WWC1: variants seen among roughly 807,000 people sequenced by gnomAD.
WWC1 encodes the protein WW and C2 domain containing 1.
A neutral mutation model predicts 138.4 loss-of-function variants in WWC1; 55 were observed. The observed-to-expected ratio is 0.40, with a 90% CI of 0.32 to 0.50. WWC1 has a LOEUF of 0.50. WWC1 is among the 20% of genes least tolerant of loss of function. The pLI is 0.72. For synonymous variants in WWC1, 524 were observed against 564.9 expected (o/e 0.93, Z 1.03); for missense variants, 1,226 against 1,420.4 (o/e 0.86, Z 2.20).
chr5:168,337,675 C>G (rs1165809045), intron 1 of WWC1, among the ~76,000 whole-genome samples: 1 of 152,138 alleles, frequency 6.6e-6, no homozygotes, highest in Non-Finnish European at 1.5e-5. Context: ...GTGCTACAGA[C>G]GGTAAGGGAG....
chr5:168,292,002 C>G lies in WWC1; in HGVS notation c.-151C>G. 1 of 868,516 alleles carries G rather than the reference C, an allele frequency of 1.2e-6. No homozygotes were observed. Among genetic ancestry groups the G allele is most frequent in the East Asian group, 3.6e-5 (1 of 28,066 alleles). The allele number at this position is 868,516 out of a possible 1,614,324, so 53.8% of individuals were successfully genotyped here. A position where few individuals can be genotyped will look rare whatever the true frequency, so the allele number is the denominator to read the frequency against. On this transcript the variant is annotated 5_prime_UTR_variant, in exon 1 of 23. Coordinates refer to ENST00000265293, the MANE Select transcript of WWC1 (RefSeq NM_015238.3). The surrounding 1 kb of genome is among the most constrained non-coding windows in gnomAD (Gnocchi z 4.4). Reference sequence around the variant, plus strand: ...CGCATGGACAGCGGCGCCACCCCGGCCGGCCCCTACTAGGGCCCCCCATCT... The same window carrying G: ...CGCATGGACAGCGGCGCCACCCCGGGCGGCCCCTACTAGGGCCCCCCATCT...
intron 10 of WWC1, among the ~76,000 whole-genome samples, chr5:168,422,373 A>T (rs1174404368): frequency 6.6e-6 from 1 of 152,220 alleles, no homozygotes; most frequent in Non-Finnish European, 1.5e-5. Flanking sequence ...TCACACCTGT[A>T]ATCCCAGCAC....
intron 1 of WWC1, among the ~76,000 whole-genome samples, chr5:168,353,475 G>A (rs574612248): frequency 2.4e-4 from 36 of 152,358 alleles, no homozygotes; most frequent in South Asian, 2.3e-3. Context: ...TCAGCCTGCC[G>A]TCGTCTTGCC....
chr5:168,424,500 A>G (rs1781360773), intron 11 of WWC1, among the ~76,000 whole-genome samples: 1 of 152,250 alleles, frequency 6.6e-6, no homozygotes, highest in Non-Finnish European at 1.5e-5. Flanking sequence ...CAAGCACTAC[A>G]AAGAAAATAA....
chr5:168,423,376 G>A (rs1218312325), intron 10 of WWC1, among the ~76,000 whole-genome samples, 157 bp from the exon 11 acceptor site: 2 of 152,048 alleles, frequency 1.3e-5, no homozygotes, highest in Admixed American at 6.6e-5. Flanking sequence ...GCCTTCTTGG[G>A]GTATCAGTTT....
At chr5:168,347,147 G>A (rs890569453) in intron 1 of WWC1, among the ~76,000 whole-genome samples, 3 of 152,142 alleles carry the variant, frequency 2.0e-5, no homozygotes, top group East Asian at 1.9e-4. Flanking sequence ...GTCCCCAGCC[G>A]ACTGAGTGAC....
chr5:168,354,573 C>T (rs1775249028), intron 1 of WWC1, among the ~76,000 whole-genome samples: 1 of 152,192 alleles, frequency 6.6e-6, no homozygotes, highest in Admixed American at 6.5e-5. Flanking sequence ...GTCCTAGGTA[C>T]AAAAGTCATG....
intron 6 of WWC1, among the ~76,000 whole-genome samples, chr5:168,407,054 A>G (rs989753369): frequency 6.6e-6 from 1 of 152,076 alleles, no homozygotes; most frequent in Non-Finnish European, 1.5e-5. Flanking sequence ...AGCCTCCCAA[A>G]GTGCTGGGAT....
At chr5:168,299,589 C>T (rs1384248749) in intron 1 of WWC1, among the ~76,000 whole-genome samples, 1 of 152,206 alleles carries the variant, frequency 6.6e-6, no homozygotes, top group African/African-American at 2.4e-5. Flanking sequence ...CCTCCCCCTC[C>T]CGGGGAGAGG....
chr5:168,424,118 T>C (rs1041524876), intron 11 of WWC1, 50 bp downstream of exon 11: 5 of 1,510,550 alleles, frequency 3.3e-6, no homozygotes, highest in South Asian at 1.3e-5. Context: ...GGGAAAGAGA[T>C]ACTCTGTGCT....
intron 1 of WWC1, among the ~76,000 whole-genome samples, chr5:168,324,752 A>G (rs1772397114): frequency 6.6e-6 from 1 of 152,240 alleles, no homozygotes; most frequent in Admixed American, 6.5e-5. Flanking sequence ...GTAGAAAAAA[A>G]GAACAAGACT....
intron 2 of WWC1, 95 bp downstream of exon 2, chr5:168,371,628 C>G: frequency 1.3e-6 from 1 of 770,534 alleles, no homozygotes; most frequent in Non-Finnish European, 2.2e-6. Context: ...CACTTGCAGA[C>G]TCTTGGAGCC....
Position 168,397,812 on chromosome 5 carries a change from T to C in WWC1, c.510+12T>C, listed in dbSNP as rs751466878. Reference sequence around the variant, plus strand: ...CTGCAAAATCCCGGGTAGGACCTCTTCACCTATGCTATGTGCTAGTGATTG... The same window carrying C: ...CTGCAAAATCCCGGGTAGGACCTCTCCACCTATGCTATGTGCTAGTGATTG... On this transcript the variant is annotated intron_variant, in intron 4 of 22. Coordinates refer to ENST00000265293, the MANE Select transcript of WWC1 (RefSeq NM_015238.3). 6.2e-7 allele frequency: 1 copy of C among 1,613,964 alleles called. No homozygotes were observed. The highest frequency in any genetic ancestry group is 8.5e-7 in the Non-Finnish European group (1 of 1,179,890).
At chr5:168,344,386 TATGG>T (rs1437145596) in intron 1 of WWC1, among the ~76,000 whole-genome samples, 1 of 152,182 alleles carries the variant, frequency 6.6e-6, no homozygotes, top group Non-Finnish European at 1.5e-5. Context: ...AACAGCGAGT[TATGG>T]GGTCTTGGGC....
intron 3 of WWC1, among the ~76,000 whole-genome samples, chr5:168,392,842 G>A (rs1778606836): frequency 6.6e-6 from 1 of 151,844 alleles, no homozygotes; most frequent in Non-Finnish European, 1.5e-5. Flanking sequence ...GCCTCTAACA[G>A]AGAAAATAGA....
intron 1 of WWC1, among the ~76,000 whole-genome samples, chr5:168,343,340 C>T (rs1353727288): frequency 6.6e-6 from 1 of 152,112 alleles, no homozygotes; most frequent in Non-Finnish European, 1.5e-5. Context: ...ATCTTGTATA[C>T]TTTTCAGGAC....
chr5:168,348,733 C>T (rs993641048), intron 1 of WWC1, among the ~76,000 whole-genome samples: 2 of 152,118 alleles, frequency 1.3e-5, no homozygotes, highest in Non-Finnish European at 2.9e-5. Flanking sequence ...TAGGAAAGGG[C>T]CCTAGCAGAG....
chr5:168,435,657 C>T (rs990293635), intron 15 of WWC1, among the ~76,000 whole-genome samples: 1 of 152,154 alleles, frequency 6.6e-6, no homozygotes, highest in Admixed American at 6.5e-5. Context: ...GCAGTCCTCC[C>T]GCCTCAGCCT....
At chr5:168,369,466 C>G (rs1258695859) in intron 1 of WWC1, among the ~76,000 whole-genome samples, 2 of 152,120 alleles carry the variant, frequency 1.3e-5, no homozygotes, top group Non-Finnish European at 2.9e-5. Flanking sequence ...GCAGTGGTGC[C>G]ATCACAGCTA....
Sources: gnomAD v4.1 joint callset for allele counts (sites outside exome capture counted in the v4.1 genomes callset) on GRCh38, gnomAD v4.1.1 for gene constraint, Gnocchi (gnomAD v3.1) non-coding constraint, MANE v1.5 for transcripts, NCBI Gene and HGNC (gene_info 2026-07-23, HGNC 2026-07-21) for gene names.